CLCN3: variants seen among roughly 807,000 people sequenced by gnomAD.
CLCN3 encodes the protein Cl-/H+ antiporter 3, also known as H(+)/Cl(-) exchange transporter 3.
In CLCN3, 16 loss-of-function variants were observed where a neutral mutation model predicts 83.4. The observed-to-expected ratio is 0.19, with a 90% CI of 0.13 to 0.29. The LOEUF (loss-of-function observed/expected upper bound fraction) is 0.29. Among genes scored for constraint, CLCN3 ranks in the 10% least tolerant of loss-of-function variants. CLCN3 has a pLI of 1.00. For missense variants in CLCN3, 544 were observed against 1,006.0 expected (o/e 0.54, Z 6.21); for synonymous variants, 322 against 346.2 (o/e 0.93, Z 0.78).
chr4:169,667,369 C>T (rs1421978259), intron 2 of CLCN3, among the ~76,000 whole-genome samples: 2 of 151,910 alleles, frequency 1.3e-5, no homozygotes, highest in African/African-American at 4.8e-5. Flanking sequence ...AATTTTCCTA[C>T]AGGTAAATTT....
At chr4:169,719,685 G>A (rs1733560572) in intron 12 of CLCN3, among the ~76,000 whole-genome samples, 2 of 151,838 alleles carry the variant, frequency 1.3e-5, no homozygotes, top group South Asian at 4.2e-4. Context: ...GACTCTCGGT[G>A]GAAAGGCTGT....
chr4:169,641,903 G>C (rs1730423665), intron 2 of CLCN3, among the ~76,000 whole-genome samples: 1 of 152,098 alleles, frequency 6.6e-6, no homozygotes, highest in African/African-American at 2.4e-5. Context: ...TATTTATAGT[G>C]AGAAATATAC....
At position 169,720,142 on chromosome 4, in the gene CLCN3, T is replaced by C; in HGVS notation, c.*145T>C. ...ATATAAAAGCCGGGTTTTTGCAACATGGTTTGCAAATAATGCTGGTGGAAT... is the reference window on the plus strand; with the variant it reads ...ATATAAAAGCCGGGTTTTTGCAACACGGTTTGCAAATAATGCTGGTGGAAT... On this transcript the variant is annotated 3_prime_UTR_variant, in exon 13 of 13. Transcript: ENST00000513761. 1 of 1,267,048 alleles carries C rather than the reference T, an allele frequency of 7.9e-7. No individual in the cohort carries two copies. 78.5% of individuals were successfully genotyped at this position (1,267,048 alleles called of 1,614,324 possible). A position where few individuals can be genotyped will look rare whatever the true frequency, so the allele number is the denominator to read the frequency against.
At chr4:169,641,768 AG>A (rs1356411848) in intron 2 of CLCN3, among the ~76,000 whole-genome samples, 7 of 152,334 alleles carry the variant, frequency 4.6e-5, no homozygotes, top group East Asian at 1.9e-4. Flanking sequence ...ACACAAATAC[AG>A]GGTCCAGCCT....
At chr4:169,704,302 G>T in intron 10 of CLCN3, 118 bp downstream of exon 10, 1 of 830,940 alleles carries the variant, frequency 1.2e-6, no homozygotes, top group Non-Finnish European at 1.9e-6. Flanking sequence ...GAGGGTGCCA[G>T]GAGGAGATGT....
At position 169,634,011 on chromosome 4, in the gene CLCN3, TG is replaced by T. The variant is rs758314431; in HGVS notation, c.-16-1899del. Among the ~76,000 whole-genome samples the T allele has an allele frequency of 3.4e-4, 51 of 152,180 alleles. 1 individual carries two copies. The highest frequency in any genetic ancestry group is 5.0e-4 in the Non-Finnish European group (34 of 68,000). ...ATAGAAATAGAAACCCATGCAGGCC[TG>T]GGTTTAATTGGTTTATTTGGAGCAG... On this transcript the variant is annotated intron_variant, in intron 1 of 12. Coordinates refer to ENST00000513761, the MANE Select transcript of CLCN3 (RefSeq NM_001829.4).
chr4:169,691,294 G>C (rs979840593), intron 6 of CLCN3, among the ~76,000 whole-genome samples: 3 of 152,052 alleles, frequency 2.0e-5, no homozygotes, highest in Non-Finnish European at 4.4e-5. Context: ...TGGGATTACA[G>C]GTGTGAGCCA....
chr4:169,669,404 T>C (rs560999633), intron 2 of CLCN3, among the ~76,000 whole-genome samples: 299 of 152,260 alleles, frequency 2.0e-3, no homozygotes, highest in Non-Finnish European at 2.7e-3. Flanking sequence ...GGCAGGATGA[T>C]TGCTTGAGCC....
chr4:169,644,889 CAT>C (rs1730529574), intron 2 of CLCN3, among the ~76,000 whole-genome samples: 1 of 151,994 alleles, frequency 6.6e-6, no homozygotes, highest in Non-Finnish European at 1.5e-5. Context: ...AACAAGAAGT[CAT>C]GTGAGAAAAA....
At chr4:169,677,006 C>T (rs971893580) in intron 2 of CLCN3, among the ~76,000 whole-genome samples, 1 of 151,880 alleles carries the variant, frequency 6.6e-6, no homozygotes, top group African/African-American at 2.4e-5. Context: ...CGCCTAGTTC[C>T]AGGTGCTACA....
intron 1 of CLCN3, among the ~76,000 whole-genome samples, chr4:169,622,458 T>C (rs1337695472): frequency 6.6e-6 from 1 of 152,200 alleles, no homozygotes; most frequent in Non-Finnish European, 1.5e-5. Flanking sequence ...CAAAGCAGTA[T>C]CCTGTGGGGT....
intron 1 of CLCN3, among the ~76,000 whole-genome samples, chr4:169,628,180 GAAATATAA>G (rs1773281147): frequency 6.6e-6 from 1 of 152,112 alleles, no homozygotes; most frequent in Non-Finnish European, 1.5e-5. Context: ...ATCACAGACT[GAAATATAA>G]AAATATTAAA....
chr4:169,672,220 T>TAGGTAGATAGATA (rs1553968499), intron 2 of CLCN3, among the ~76,000 whole-genome samples: 2 of 145,496 alleles, frequency 1.4e-5, no homozygotes, highest in Admixed American at 6.9e-5. Context: ...TCAAAATAAA[T>TAGGTAGATAGATA]GATAGATAGA....
At chr4:169,629,451 A>G (rs1428332291) in intron 1 of CLCN3, among the ~76,000 whole-genome samples, 1 of 151,956 alleles carries the variant, frequency 6.6e-6, no homozygotes, top group Non-Finnish European at 1.5e-5. Context: ...GCTCACTGCA[A>G]CCTCTGCCTC....
chr4:169,636,496 C>A (rs1773505898), intron 2 of CLCN3, among the ~76,000 whole-genome samples: 1 of 152,056 alleles, frequency 6.6e-6, no homozygotes, highest in Admixed American at 6.6e-5. Flanking sequence ...CTTGTTCCAC[C>A]TTCAGTTTCA....
At chr4:169,690,231 C>T (rs1231866578) in intron 5 of CLCN3, among the ~76,000 whole-genome samples, 3 of 150,610 alleles carry the variant, frequency 2.0e-5, no homozygotes, top group Non-Finnish European at 2.9e-5. Flanking sequence ...CTGCAACCTC[C>T]GCTTCTGGGG....
intron 1 of CLCN3, among the ~76,000 whole-genome samples, chr4:169,627,282 G>A (rs944560070): frequency 2.0e-5 from 3 of 152,120 alleles, no homozygotes; most frequent in African/African-American, 7.2e-5. Flanking sequence ...GTGTGTGCCT[G>A]TATTGACTTT....
intron 2 of CLCN3, chr4:169,660,365 TA>T: frequency 7.1e-7 from 1 of 1,398,834 alleles, no homozygotes; most frequent in Non-Finnish European, 9.2e-7. Context: ...TTAAAAATTC[TA>T]ATCATGGATG....
At chr4:169,647,394 A>C (rs1730605583) in intron 2 of CLCN3, among the ~76,000 whole-genome samples, 1 of 152,042 alleles carries the variant, frequency 6.6e-6, no homozygotes, top group East Asian at 1.9e-4. Flanking sequence ...CATCTCAAGA[A>C]AAAAAAATCT....
Sources: gnomAD v4.1 joint callset for allele counts (sites outside exome capture counted in the v4.1 genomes callset) on GRCh38, gnomAD v4.1.1 for gene constraint, MANE v1.5 for transcripts, NCBI Gene and HGNC (gene_info 2026-07-23, HGNC 2026-07-21) for gene names.